ANKRD6: variants seen among roughly 807,000 people sequenced by gnomAD.
ANKRD6 encodes the protein ankyrin repeat domain 6, also known as ankyrin repeat domain-containing protein 6.
In ANKRD6, 56 loss-of-function variants were observed where a neutral mutation model predicts 82.3. That is an observed-to-expected ratio of 0.68 (90% confidence interval 0.55 to 0.85). ANKRD6 has a LOEUF of 0.85. Ranked by LOEUF, ANKRD6 falls within the 40% of genes least tolerant of loss-of-function variation. The pLI is 0.00. For missense variants in ANKRD6, 852 were observed against 907.6 expected, an observed-to-expected ratio of 0.94 and a Z score of 0.79; for synonymous variants, 347 against 352.1, an observed-to-expected ratio of 0.99 and a Z score of 0.16.
intron 1 of ANKRD6, chr6:89,483,639 G>A (rs1206873304): frequency 1.3e-5 from 2 of 152,226 alleles, no homozygotes; most frequent in African/African-American, 4.8e-5. Flanking sequence ...CATGGAGTGG[G>A]AGTGTTCTCT....
At chr6:89,558,351 G>A (rs1454170838) in intron 1 of ANKRD6, among the ~76,000 whole-genome samples, 3 of 152,172 alleles carry the variant, frequency 2.0e-5, no homozygotes, top group African/African-American at 7.2e-5. Context: ...AAAGCAAATT[G>A]TGGTACAATG....
intron 1 of ANKRD6, among the ~76,000 whole-genome samples, chr6:89,478,597 G>C (rs1776362440): frequency 6.6e-6 from 1 of 151,624 alleles, no homozygotes; most frequent in African/African-American, 2.4e-5. Flanking sequence ...AGCCAGGCGT[G>C]GTGGTGTGCA....
chr6:89,435,543 A>G (rs190818677), intron 1 of ANKRD6, among the ~76,000 whole-genome samples: 1 of 152,196 alleles, frequency 6.6e-6, no homozygotes. Context: ...TGAGGGTAAG[A>G]TACAAACCAC....
At chr6:89,546,330 A>G (rs750991942) in intron 1 of ANKRD6, among the ~76,000 whole-genome samples, 1 of 152,204 alleles carries the variant, frequency 6.6e-6, no homozygotes. Context: ...TAAGAAATAT[A>G]TATACCAGTC....
intron 1 of ANKRD6, among the ~76,000 whole-genome samples, chr6:89,563,355 G>A (rs1166227848): frequency 1.3e-5 from 2 of 152,202 alleles, no homozygotes; most frequent in Non-Finnish European, 2.9e-5. Context: ...TTCAGAATGT[G>A]CATTGCATAC....
chr6:89,490,001 A>G (rs1316216123), intron 1 of ANKRD6, among the ~76,000 whole-genome samples: 1 of 152,174 alleles, frequency 6.6e-6, no homozygotes, highest in Non-Finnish European at 1.5e-5. Context: ...TTGTTTAACA[A>G]ATTTATTCCC....
chr6:89,498,451 T>A (rs1391344963), intron 1 of ANKRD6, among the ~76,000 whole-genome samples: 2 of 152,152 alleles, frequency 1.3e-5, no homozygotes, highest in African/African-American at 4.8e-5. Flanking sequence ...ATCTGCTAGG[T>A]CTGTAATATA....
intron 1 of ANKRD6, among the ~76,000 whole-genome samples, chr6:89,499,321 G>A (rs1384784067): frequency 1.3e-5 from 2 of 152,136 alleles, no homozygotes; most frequent in African/African-American, 2.4e-5. Context: ...TCATATGGGC[G>A]AAAAAGAAGC....
At position 89,558,180 on chromosome 6, in the gene ANKRD6, C is replaced by T. The variant is rs945540087; in HGVS notation, c.-143-8654C>T. On this transcript the variant is annotated intron_variant, in intron 1 of 15. Coordinates refer to ENST00000339746, the MANE Select transcript of ANKRD6 (RefSeq NM_001242809.2). Reference sequence around the variant, plus strand: ...TATAGACATTTCTTACAAAGCTAAACGCTGTGCTGCCATATTACCCAGCAA... The same window carrying T: ...TATAGACATTTCTTACAAAGCTAAATGCTGTGCTGCCATATTACCCAGCAA... Among the ~76,000 whole-genome samples the T allele has an allele frequency of 2.2e-4, 33 of 152,252 alleles. 1 individual carries two copies. Among genetic ancestry groups the T allele is most frequent in the African/African-American group, 3.1e-4 (13 of 41,542 alleles).
chr6:89,593,065 C>T (rs901049718), intron 2 of ANKRD6, among the ~76,000 whole-genome samples: 5 of 152,146 alleles, frequency 3.3e-5, no homozygotes, highest in African/African-American at 9.7e-5. Context: ...CAAAGTGAGA[C>T]TCCATCTCAA....
At position 89,466,978 on chromosome 6, in the gene ANKRD6, A is replaced by G. The variant is rs1774920158; in HGVS notation, c.-144+33603A>G. On this transcript the variant is annotated intron_variant, in intron 1 of 15. Transcript: ENST00000339746. ...CATATTGGCCTCCCAAAGTGCTGGG[A>G]TTTCAGGTGTGAGCCACTGTGCCTG... 2.0e-5 allele frequency among the ~76,000 whole-genome samples: 3 copies of G among 152,100 alleles called. No homozygotes were observed. In the South Asian group the frequency reaches 6.2e-4, roughly 31 times the overall value.
intron 1 of ANKRD6, among the ~76,000 whole-genome samples, chr6:89,520,799 G>T (rs1781796666): frequency 6.6e-6 from 1 of 152,150 alleles, no homozygotes. Context: ...GGAAAAAATG[G>T]CACAATAAAC....
At chr6:89,517,068 C>T (rs1781322184) in intron 1 of ANKRD6, among the ~76,000 whole-genome samples, 2 of 152,156 alleles carry the variant, frequency 1.3e-5, no homozygotes. Flanking sequence ...TGGGGTCTCA[C>T]TATGTTGCCC....
At chr6:89,494,175 G>A (rs1026444739) in intron 1 of ANKRD6, among the ~76,000 whole-genome samples, 13 of 152,106 alleles carry the variant, frequency 8.5e-5, no homozygotes, top group South Asian at 2.1e-4. Flanking sequence ...AATGAGCGGC[G>A]TTGGTAGCCA....
In ANKRD6 at chr6:89,544,379, C is replaced by T. The variant is rs1052566560; in HGVS notation, c.-143-22455C>T. On this transcript the variant is annotated intron_variant, in intron 1 of 15. Coordinates refer to ENST00000339746, the MANE Select transcript of ANKRD6 (RefSeq NM_001242809.2). Reference sequence around the variant, plus strand: ...CACCAATCTAGCCTGACATTCACCTCATCACCCTCCCCTTTCCGCCTGTTC... The same window carrying T: ...CACCAATCTAGCCTGACATTCACCTTATCACCCTCCCCTTTCCGCCTGTTC... Among the ~76,000 whole-genome samples the T allele has an allele frequency of 2.0e-5, 3 of 152,238 alleles. No individual in the cohort carries two copies. The South Asian group carries it at 6.2e-4, about 32-fold the overall frequency.
intron 1 of ANKRD6, among the ~76,000 whole-genome samples, chr6:89,531,418 TCCAA>T (rs1272373653): frequency 2.0e-5 from 3 of 152,258 alleles, no homozygotes; most frequent in Non-Finnish European, 4.4e-5. Context: ...GGCATTAATA[TCCAA>T]CCATGTGGAT....
intron 9 of ANKRD6, among the ~76,000 whole-genome samples, chr6:89,620,607 C>G (rs968208439): frequency 2.6e-5 from 4 of 152,150 alleles, no homozygotes; most frequent in African/African-American, 9.7e-5. Context: ...AGGTTTCCAT[C>G]AACTCAAAGA....
intron 1 of ANKRD6, among the ~76,000 whole-genome samples, chr6:89,544,577 A>G (rs574298778): frequency 2.0e-5 from 3 of 151,936 alleles, no homozygotes; most frequent in East Asian, 2.0e-4. Flanking sequence ...AGCTGGGCGT[A>G]GTGGCAGGCG....
chr6:89,505,440 G>T (rs1779729622), intron 1 of ANKRD6, among the ~76,000 whole-genome samples: 1 of 152,198 alleles, frequency 6.6e-6, no homozygotes, highest in Admixed American at 6.5e-5. Flanking sequence ...GCAGGGCTGG[G>T]CCCTCAGAGC....
Sources: allele counts gnomAD v4.1 joint callset (sites outside exome capture counted in the v4.1 genomes callset), GRCh38; gene constraint gnomAD v4.1.1; transcripts MANE v1.5; gene names NCBI Gene and HGNC (gene_info 2026-07-23, HGNC 2026-07-21).